The following PLCB1 variants were observed in gnomAD, a reference collection of about 807,000 sequenced individuals.
The protein encoded by PLCB1 is 1-phosphatidylinositol 4,5-bisphosphate phosphodiesterase beta-1.
PLCB1 carries 46 observed loss-of-function variants against 161.8 expected under a neutral mutation model. The observed-to-expected ratio is 0.28, with a 90% CI of 0.22 to 0.36. PLCB1 has a LOEUF of 0.36. Among genes scored for constraint, PLCB1 ranks in the 10% least tolerant of loss-of-function variants. PLCB1 has a pLI of 1.00. For missense variants in PLCB1, 1,016 were observed against 1,472.5 expected, an observed-to-expected ratio of 0.69 and a Z score of 5.07; for synonymous variants, 517 against 503.7, an observed-to-expected ratio of 1.03 and a Z score of -0.35.
At chr20:8,298,950 G>A (rs1467382762) in intron 2 of PLCB1, among the ~76,000 whole-genome samples, 2 of 152,018 alleles carry the variant, frequency 1.3e-5, no homozygotes, top group Non-Finnish European at 2.9e-5. Context: ...TAGACAGGTA[G>A]GTATTAGGTT....
At chr20:8,374,010 A>G (rs999674843) in intron 3 of PLCB1, among the ~76,000 whole-genome samples, 1 of 152,182 alleles carries the variant, frequency 6.6e-6, no homozygotes, top group Non-Finnish European at 1.5e-5. Context: ...TGCTCAGTTA[A>G]TGTCACCAAG....
Position 8,198,863 on chromosome 20 carries a change from G to A in PLCB1, c.177+48492G>A, listed in dbSNP as rs183860676. On this transcript the variant is annotated intron_variant, in intron 2 of 31. Coordinates refer to ENST00000338037, the MANE Select transcript of PLCB1 (RefSeq NM_015192.4). ...TTTTAGTTTTATGATTATGTGGTAA[G>A]CATTTCAATAAAGCTCCACAAATGA... Among the ~76,000 whole-genome samples, 734 of 151,976 alleles carry A rather than the reference G, an allele frequency of 4.8e-3. 10 individuals are homozygous for A. Among genetic ancestry groups the A allele is most frequent in the African/African-American group, 0.016 (667 of 41,470 alleles).
At chr20:8,689,857 C>A (rs956688437) in intron 10 of PLCB1, among the ~76,000 whole-genome samples, 19 of 149,222 alleles carry the variant, frequency 1.3e-4, no homozygotes, top group Non-Finnish European at 2.7e-4. Flanking sequence ...AGGGTGTTGG[C>A]ATATTAACAG....
intron 26 of PLCB1, among the ~76,000 whole-genome samples, chr20:8,769,758 A>G (rs1305042083): frequency 6.6e-6 from 1 of 152,170 alleles, no homozygotes; most frequent in East Asian, 1.9e-4. Context: ...TATGTAAGTG[A>G]CCTGTCAATG....
chr20:8,557,212 T>C (rs1490080108), intron 3 of PLCB1, among the ~76,000 whole-genome samples: 1 of 151,826 alleles, frequency 6.6e-6, no homozygotes, highest in African/African-American at 2.4e-5. Context: ...TCTCAGACAA[T>C]TAAAATCAGG....
intron 31 of PLCB1, among the ~76,000 whole-genome samples, chr20:8,796,594 C>A (rs1984037126): frequency 6.6e-6 from 1 of 152,146 alleles, no homozygotes; most frequent in Non-Finnish European, 1.5e-5. Context: ...ATTAACCACA[C>A]AGTGGTTTGT....
At chr20:8,341,895 G>C (rs893554558) in intron 2 of PLCB1, among the ~76,000 whole-genome samples, 3 of 152,120 alleles carry the variant, frequency 2.0e-5, no homozygotes, top group African/African-American at 7.2e-5. Context: ...GGTTCAAAGA[G>C]GCTAGATAAC....
chr20:8,620,574 T>C (rs1253745731), intron 3 of PLCB1, among the ~76,000 whole-genome samples: 1 of 151,660 alleles, frequency 6.6e-6, no homozygotes, highest in African/African-American at 2.4e-5. Context: ...AACTCAACTC[T>C]ACTAAAAATA....
At position 8,750,939 on chromosome 20, in the gene PLCB1, T is replaced by TTTC. The variant is rs765939435; in HGVS notation, c.2524-6105_2524-6104insCTT. 10 of 955,924 alleles carry TTTC rather than the reference T, an allele frequency of 1.0e-5. No homozygotes were observed. The East Asian group carries it at 5.4e-4, about 52-fold the overall frequency. The allele number at this position is 955,924 out of a possible 1,614,324, so 59.2% of individuals were successfully genotyped here. On this transcript the variant is annotated intron_variant, in intron 23 of 31. Coordinates refer to ENST00000338037, the MANE Select transcript of PLCB1 (RefSeq NM_015192.4). ...AGGTAAAAAGAACTGCACTCTTTTTTTTTTTTTTTTTTTTGAGACGGAGTC... is the reference window on the plus strand; with the variant it reads ...AGGTAAAAAGAACTGCACTCTTTTTTTTCTTTTTTTTTTTTTTGAGACGGAGTC...
chr20:8,292,972 A>G (rs1273582344), intron 2 of PLCB1, among the ~76,000 whole-genome samples: 1 of 152,154 alleles, frequency 6.6e-6, no homozygotes. Context: ...ATCAGTAGCC[A>G]TAGTAGGAAG....
In PLCB1 at chr20:8,562,452, C is replaced by G. The variant is rs536809824; in HGVS notation, c.247-65842C>G. ...ACTTTGGGAAAAAGAAGCAGGTTCT[C>G]TCAGTAAAAGCTGTGCTCCGGCAGA... On this transcript the variant is annotated intron_variant, in intron 3 of 31. Coordinates refer to ENST00000338037, the MANE Select transcript of PLCB1 (RefSeq NM_015192.4). 8.3e-4 allele frequency among the ~76,000 whole-genome samples: 127 copies of G among 152,186 alleles called. 2 individuals are homozygous for G. Among genetic ancestry groups the G allele is most frequent in the African/African-American group, 2.9e-3 (122 of 41,544 alleles).
intron 3 of PLCB1, among the ~76,000 whole-genome samples, chr20:8,486,481 ATTTTTT>A (rs71183092): frequency 2.3e-5 from 2 of 85,782 alleles, no homozygotes; most frequent in South Asian, 4.3e-4. Flanking sequence ...ATTCCAAAAT[ATTTTTT>A]TTTTTTTTTT....
chr20:8,825,093 C>T (rs377749464), intron 31 of PLCB1, among the ~76,000 whole-genome samples: 8 of 152,166 alleles, frequency 5.3e-5, no homozygotes, highest in South Asian at 2.1e-4. Context: ...TTCATTCACA[C>T]GTTTTTTGAA....
At chr20:8,815,774 A>G (rs1031523987) in intron 31 of PLCB1, among the ~76,000 whole-genome samples, 1 of 152,248 alleles carries the variant, frequency 6.6e-6, no homozygotes, top group Non-Finnish European at 1.5e-5. Context: ...TCATAAAACA[A>G]TTGAAAACAT....
intron 2 of PLCB1, among the ~76,000 whole-genome samples, chr20:8,315,754 G>A (rs899405629): frequency 6.6e-6 from 1 of 152,146 alleles, no homozygotes; most frequent in African/African-American, 2.4e-5. Flanking sequence ...AGCCAGCCAA[G>A]CCAAAATGAG....
At chr20:8,832,862 A>G (rs6516410) in intron 31 of PLCB1, among the ~76,000 whole-genome samples, 43,947 of 152,074 alleles carry the variant, frequency 0.29, 6,516 homozygotes, top group Middle Eastern at 0.41. Flanking sequence ...CTTGATTACA[A>G]AGGCCCACAT....
intron 2 of PLCB1, among the ~76,000 whole-genome samples, chr20:8,199,316 T>C (rs2052064579): frequency 6.6e-6 from 1 of 152,086 alleles, no homozygotes; most frequent in African/African-American, 2.4e-5. Flanking sequence ...ATGTTTCCCT[T>C]TGGGTAAAAG....
chr20:8,334,850 A>G (rs1301323699), intron 2 of PLCB1, among the ~76,000 whole-genome samples: 8 of 152,226 alleles, frequency 5.3e-5, no homozygotes, highest in South Asian at 2.1e-4. Context: ...TTTTCCATGC[A>G]TAGCTGCTTA....
intron 31 of PLCB1, among the ~76,000 whole-genome samples, chr20:8,826,284 A>G (rs1985694478): frequency 6.6e-6 from 1 of 152,098 alleles, no homozygotes; most frequent in Non-Finnish European, 1.5e-5. Context: ...TCACGAGGTC[A>G]GGAGATCGAG....
Sources: allele counts gnomAD v4.1 joint callset (sites outside exome capture counted in the v4.1 genomes callset), GRCh38; gene constraint gnomAD v4.1.1; transcripts MANE v1.5; gene names NCBI Gene and HGNC (gene_info 2026-07-23, HGNC 2026-07-21).